RBFOX1: variants seen among roughly 807,000 people sequenced by gnomAD.
RBFOX1 encodes the protein RNA binding fox-1 homolog 1.
In RBFOX1, 8 loss-of-function variants were observed where a neutral mutation model predicts 57.7. The ratio of observed to expected loss-of-function variants is 0.14; its 90% CI spans 0.08 to 0.25. The LOEUF (loss-of-function observed/expected upper bound fraction) is 0.25, where lower values mean the gene tolerates loss of function less well. RBFOX1 is among the 10% of genes least tolerant of loss of function. The pLI, the probability that RBFOX1 is intolerant of heterozygous loss-of-function variation, is 1.00. For synonymous variants in RBFOX1, 326 were observed against 222.4 expected, an observed-to-expected ratio of 1.47 and a Z score of -4.15; for missense variants, 611 against 548.5, an observed-to-expected ratio of 1.11 and a Z score of -1.14.
intron 3 of RBFOX1, among the ~76,000 whole-genome samples, chr16:5,741,842 T>C (rs568034645): frequency 5.7e-4 from 87 of 152,326 alleles, no homozygotes; most frequent in African/African-American, 2.0e-3. Context: ...ATTTTCTTCT[T>C]TGTAAAACAC....
chr16:5,408,831 CT>C (rs2066932569), intron 1 of RBFOX1, among the ~76,000 whole-genome samples: 1 of 152,172 alleles, frequency 6.6e-6, no homozygotes. Flanking sequence ...GTGCTACCCA[CT>C]TTTAAACAGT....
At chr16:6,425,052 T>C (rs2093885604) in intron 2 of RBFOX1, among the ~76,000 whole-genome samples, 1 of 152,232 alleles carries the variant, frequency 6.6e-6, no homozygotes, top group Non-Finnish European at 1.5e-5. Flanking sequence ...ATGTGTTGTT[T>C]AATATCTTTG....
In RBFOX1 at chr16:7,469,244, A is replaced by T. The variant is rs575405380; in HGVS notation, c.28-48903A>T. Among the ~76,000 whole-genome samples the T allele has an allele frequency of 8.0e-5, 12 of 150,880 alleles. No homozygotes were observed. The East Asian group carries it at 1.8e-3, about 22-fold the overall frequency. ...CCACCTAATTTTTTTTTTAATTCTTAGTAGAGACAGGGTTTCACCATGTCG... is the reference window on the plus strand; with the variant it reads ...CCACCTAATTTTTTTTTTAATTCTTTGTAGAGACAGGGTTTCACCATGTCG... On this transcript the variant is annotated intron_variant, in intron 4 of 15. Transcript: ENST00000550418.
chr16:6,436,135 A>AT (rs1174478216), intron 2 of RBFOX1, among the ~76,000 whole-genome samples: 11 of 152,080 alleles, frequency 7.2e-5, no homozygotes, highest in Non-Finnish European at 1.5e-4. Context: ...AGAAATATGC[A>AT]TTTTCTCTTC....
At chr16:5,271,761 C>A (rs957953540) in intron 1 of RBFOX1, among the ~76,000 whole-genome samples, 1 of 152,168 alleles carries the variant, frequency 6.6e-6, no homozygotes, top group Non-Finnish European at 1.5e-5. Context: ...ACCTTTCCTG[C>A]GCCCCAGCCC....
intron 1 of RBFOX1, among the ~76,000 whole-genome samples, chr16:5,331,742 TC>T (rs1391015031): frequency 6.6e-6 from 1 of 152,204 alleles, no homozygotes; most frequent in Non-Finnish European, 1.5e-5. Context: ...TTCCTGTAAT[TC>T]CCCATGGGCT....
chr16:6,487,672 G>T (rs2095515461), intron 2 of RBFOX1, among the ~76,000 whole-genome samples: 5 of 15,772 alleles, frequency 3.2e-4, no homozygotes, highest in African/African-American at 6.1e-4. Context: ...AGTGATATAT[G>T]TAAAAAAAAA....
In RBFOX1 at chr16:7,712,792, G is replaced by A. The variant is rs2084193501; in HGVS notation, c.*2047G>A. 1 of 152,208 alleles carries A rather than the reference G, an allele frequency of 6.6e-6. No homozygotes were observed. The highest frequency in any genetic ancestry group is 1.9e-4 in the East Asian group (1 of 5,196). The allele number at this position is 152,208 out of a possible 1,614,324, so 9.4% of individuals were successfully genotyped here. A position where few individuals can be genotyped will look rare whatever the true frequency, so the allele number is the denominator to read the frequency against. ...CCAGAGGGAAGAAAGAGTAGGAGCA[G>A]GGGGCTATGGAGAATAAATTTCTCC... On this transcript the variant is annotated 3_prime_UTR_variant, in exon 16 of 16. Transcript: ENST00000550418.
chr16:6,648,896 C>T (rs948361196), intron 2 of RBFOX1, among the ~76,000 whole-genome samples: 11 of 152,216 alleles, frequency 7.2e-5, no homozygotes, highest in African/African-American at 2.2e-4. Flanking sequence ...AATGTGTGTA[C>T]ATTGTGGAAT....
chr16:7,203,683 C>G (rs201478948), intron 4 of RBFOX1, among the ~76,000 whole-genome samples: 1 of 152,154 alleles, frequency 6.6e-6, no homozygotes. Flanking sequence ...GAGCCCTAGT[C>G]CACATTTTGG....
Position 6,798,542 on chromosome 16 carries a change from C to T in RBFOX1, c.-16+143892C>T, listed in dbSNP as rs1399988210. On this transcript the variant is annotated intron_variant, in intron 3 of 15. Transcript: ENST00000550418. ...AAATAGGAAGCCCAGATAACACCCC[C>T]AATTCTAACTGCAGCCATGCTAACT... 2.0e-5 allele frequency among the ~76,000 whole-genome samples: 3 copies of T among 152,216 alleles called. No homozygotes were observed. The East Asian group carries it at 5.8e-4, about 29-fold the overall frequency.
chr16:6,019,487 C>A lies in RBFOX1; in HGVS notation c.-632C>A. 1 of 1,011,706 alleles carries A rather than the reference C, an allele frequency of 9.9e-7. No individual in the cohort carries two copies. Among genetic ancestry groups the A allele is most frequent in the Non-Finnish European group, 1.2e-6 (1 of 847,486 alleles). The allele number at this position is 1,011,706 out of a possible 1,614,324, so 62.7% of individuals were successfully genotyped here. On this transcript the variant is annotated 5_prime_UTR_variant, in exon 1 of 16. Transcript: ENST00000550418. The surrounding 1 kb of genome is among the most constrained non-coding windows in gnomAD (Gnocchi z 4.2). ...CGGAGGGGAATCCCTCCCCCTCCGC[C>A]CCAGCCCCCCAGCAGCACCCGCGGT...
chr16:7,693,006 A>T (rs2077711721), intron 14 of RBFOX1, among the ~76,000 whole-genome samples: 2 of 152,208 alleles, frequency 1.3e-5, no homozygotes, highest in South Asian at 4.1e-4. Context: ...ATAGAAAGTC[A>T]TATGAGCACA....
chr16:6,288,432 T>C (rs1004896728), intron 1 of RBFOX1, among the ~76,000 whole-genome samples: 26 of 152,202 alleles, frequency 1.7e-4, no homozygotes, highest in African/African-American at 5.5e-4. Context: ...TACCAAGTCA[T>C]GGACCACACT....
chr16:6,907,377 C>G (rs1031049488), intron 3 of RBFOX1, among the ~76,000 whole-genome samples: 1 of 152,074 alleles, frequency 6.6e-6, no homozygotes, highest in Non-Finnish European at 1.5e-5. Context: ...ATGGCGGTAT[C>G]CATGTATTGG....
chr16:5,713,471 C>G (rs2051569826), intron 3 of RBFOX1, among the ~76,000 whole-genome samples: 1 of 152,174 alleles, frequency 6.6e-6, no homozygotes, highest in African/African-American at 2.4e-5. Context: ...CTGAGCTAAT[C>G]TGGGCTTTGA....
chr16:7,087,408 C>T (rs2151031595), intron 4 of RBFOX1, among the ~76,000 whole-genome samples: 1 of 152,236 alleles, frequency 6.6e-6, no homozygotes, highest in African/African-American at 2.4e-5. Context: ...ATGAATATTG[C>T]TAGTATCATC....
Position 7,293,084 on chromosome 16 carries a change from C to G in RBFOX1, c.28-225063C>G, listed in dbSNP as rs529099659. Among the ~76,000 whole-genome samples, 5 of 152,256 alleles carry G rather than the reference C, an allele frequency of 3.3e-5. No homozygotes were observed. In the South Asian group the frequency reaches 6.2e-4, roughly 19 times the overall value. ...CACTAGAATAGCCAAATGTCATTTT[C>G]AAGGATGTGATAGATACCGTTGACC... On this transcript the variant is annotated intron_variant, in intron 4 of 15. Transcript: ENST00000550418.
At chr16:6,148,285 C>A (rs1422450908) in intron 1 of RBFOX1, among the ~76,000 whole-genome samples, 14 of 152,330 alleles carry the variant, frequency 9.2e-5, no homozygotes, top group Non-Finnish European at 2.9e-5. Context: ...CAAGATAGCG[C>A]CACTGCACTC....
Sources: gnomAD v4.1 joint callset for allele counts (sites outside exome capture counted in the v4.1 genomes callset) on GRCh38, gnomAD v4.1.1 for gene constraint, Gnocchi (gnomAD v3.1) non-coding constraint, MANE v1.5 for transcripts, NCBI Gene and HGNC (gene_info 2026-07-23, HGNC 2026-07-21) for gene names.